The following RP1 variants were observed in gnomAD, a reference collection of about 807,000 sequenced individuals.
RP1 encodes oxygen-regulated protein 1.
RP1 carries 16 observed loss-of-function variants against 14.8 expected under a neutral mutation model. That is an observed-to-expected ratio of 1.08 (90% CI 0.73 to 1.65). RP1 has a LOEUF of 1.65. Ranked by LOEUF, RP1 falls within the 40% of genes most tolerant of loss-of-function variation. RP1 has a pLI of 0.00. For synonymous variants in RP1, 876 were observed against 883.6 expected, an observed-to-expected ratio of 0.99 and a Z score of 0.15; for missense variants, 2,631 against 2,535.0, an observed-to-expected ratio of 1.04 and a Z score of -0.81.
At chr8:54,840,121 AATAATTCATTCTAGTT>A (rs1811756809) in intron 25 of RP1, among the ~76,000 whole-genome samples, 1 of 152,164 alleles carries the variant, frequency 6.6e-6, no homozygotes, top group Non-Finnish European at 1.5e-5. Flanking sequence ...CTAACATGTC[AATAATTCATTCTAGTT>A]TTGAAAAATG....
At chr8:54,849,610 T>A (rs572180560) in intron 25 of RP1, among the ~76,000 whole-genome samples, 1 of 152,346 alleles carries the variant, frequency 6.6e-6, no homozygotes, top group Non-Finnish European at 1.5e-5. Flanking sequence ...TGATAAATCA[T>A]CATTAACAAA....
At chr8:54,614,928 A>T (rs73679494), upstream of RP1, among the ~76,000 whole-genome samples, 11,030 of 152,202 alleles carry the variant, frequency 0.072, 1,259 homozygotes, top group African/African-American at 0.24. Context: ...GATAAAGTCA[A>T]GAGAAATGCT....
intron 16 of RP1, among the ~76,000 whole-genome samples, chr8:54,722,362 C>A (rs1335600493): frequency 6.6e-6 from 1 of 151,726 alleles, no homozygotes; most frequent in African/African-American, 2.4e-5. Flanking sequence ...GCTCCACCTC[C>A]CGGGTTCACG....
intron 24 of RP1, among the ~76,000 whole-genome samples, chr8:54,800,816 A>G (rs1810688006): frequency 6.6e-6 from 1 of 152,184 alleles, no homozygotes; most frequent in Non-Finnish European, 1.5e-5. Flanking sequence ...AATTTCTTGT[A>G]TGATAGTTTT....
At chr8:54,843,475 A>G (rs1482112577) in intron 25 of RP1, among the ~76,000 whole-genome samples, 3 of 152,202 alleles carry the variant, frequency 2.0e-5, no homozygotes, top group Admixed American at 6.5e-5. Context: ...ATGGTCTTGG[A>G]TCCCAAACCT....
intron 1 of RP1, among the ~76,000 whole-genome samples, chr8:54,589,012 CT>C (rs1308545853): frequency 6.6e-6 from 1 of 152,154 alleles, no homozygotes; most frequent in Non-Finnish European, 1.5e-5. Context: ...TTTAGATTCA[CT>C]TCCAGGTGTG....
At chr8:54,774,766 T>G (rs550553132), downstream of RP1, among the ~76,000 whole-genome samples, 1 of 152,194 alleles carries the variant, frequency 6.6e-6, no homozygotes, top group African/African-American at 2.4e-5. Flanking sequence ...AGTAATAAAA[T>G]ACACTCAGCA....
chr8:54,776,867 G>A (rs1436309074), intron 23 of RP1, among the ~76,000 whole-genome samples: 1 of 152,224 alleles, frequency 6.6e-6, no homozygotes, highest in Non-Finnish European at 1.5e-5. Context: ...TAAATAGGCA[G>A]GGGATGCATG....
intron 25 of RP1, among the ~76,000 whole-genome samples, chr8:54,849,352 A>T (rs74566317): frequency 6.6e-6 from 1 of 152,188 alleles, no homozygotes; most frequent in Non-Finnish European, 1.5e-5. Context: ...GAAAAAAAAA[A>T]TTAAGTCATT....
At position 54,626,170 on chromosome 8, in the gene RP1, A is replaced by G. The variant is rs1184391962; in HGVS notation, c.2288A>G (p.Asn763Ser). 6.2e-7 allele frequency: 1 copy of G among 1,611,790 alleles called. No homozygotes were observed. The highest frequency in any genetic ancestry group is 1.7e-5 in the Admixed American group (1 of 59,890). Residue 763 changes from asparagine to serine, a missense_variant, in exon 4 of 4, where the codon AAT (asparagine) becomes AGT (serine). Coordinates refer to ENST00000220676, the MANE Select transcript of RP1 (RefSeq NM_006269.2). ...AAGAATTTCCATAGAAATAAATTAA[A>G]TACTACTCAAAATTCCAAGGTTCAA... ...ISKNFHRNKL[N>S]TTQNSKVQGL...
intron 18 of RP1, among the ~76,000 whole-genome samples, chr8:54,737,221 G>C (rs543255129): frequency 6.6e-6 from 1 of 152,152 alleles, no homozygotes; most frequent in East Asian, 1.9e-4. Context: ...ACACTTAAAA[G>C]AGCCTTACCC....
intron 1 of RP1, among the ~76,000 whole-genome samples, chr8:54,606,943 G>A (rs981936684): frequency 3.7e-5 from 5 of 133,376 alleles, no homozygotes; most frequent in East Asian, 1.9e-4. Flanking sequence ...TTATCCATTC[G>A]TCTAATTTTT....
At chr8:54,638,132 A>G (rs540766335) in intron 3 of RP1, among the ~76,000 whole-genome samples, 1 of 152,122 alleles carries the variant, frequency 6.6e-6, no homozygotes, top group Non-Finnish European at 1.5e-5. Context: ...AGGTGGAGAA[A>G]ATTCTCTTAT....
intron 12 of RP1, among the ~76,000 whole-genome samples, chr8:54,693,259 C>T (rs967641077): frequency 5.3e-5 from 8 of 152,176 alleles, no homozygotes; most frequent in African/African-American, 1.7e-4. Context: ...TGTGATGCCT[C>T]CAGCTTTGTT....
At chr8:54,568,064 C>G (rs761916330) in intron 1 of RP1, among the ~76,000 whole-genome samples, 6 of 152,188 alleles carry the variant, frequency 3.9e-5, no homozygotes, top group Admixed American at 3.3e-4. Flanking sequence ...GATTGGCTAC[C>G]ATTCCCATGG....
In RP1 at chr8:54,852,592, G is replaced by A. The variant is rs578103758; in HGVS notation, c.3854G>A (p.Arg1285His). The A allele has an allele frequency of 9.9e-4, 1,224 of 1,231,646 alleles. 1 individual carries two copies. The highest frequency in any genetic ancestry group is 1.2e-3 in the Non-Finnish European group (1,140 of 987,620). The allele number at this position is 1,231,646 out of a possible 1,614,324, so 76.3% of individuals were successfully genotyped here. A position where few individuals can be genotyped will look rare whatever the true frequency, so the allele number is the denominator to read the frequency against. ...ATTTCAGTGGTGCTTTATGAGATTCGCATATACACAGGCACAATGACAGGT... is the reference window on the plus strand; with the variant it reads ...ATTTCAGTGGTGCTTTATGAGATTCACATATACACAGGCACAATGACAGGT... Residue 1285 changes from arginine to histidine, a missense_variant, in exon 26 of 29, where the codon CGC becomes CAC. By Grantham distance (29) the Arg-to-His change is conservative (BLOSUM62 0). Transcript: ENST00000637698.
chr8:54,625,355 TG>T lies in RP1; in HGVS notation c.1477del (p.Glu493LysfsTer39). ...TTTCATATAGTGAAGAAAGGGAAAG[TG>T]GGGAAAACAAGTCTGAGTATCACAT... ...QFSYSEERES[G>X]ENKSEYHMFT... On this transcript the variant is annotated frameshift_variant, in exon 4 of 4. Transcript: ENST00000220676. LOFTEE classifies it low-confidence loss of function (END_TRUNC). 2 of 1,614,042 alleles carry T rather than the reference TG, an allele frequency of 1.2e-6. No individual in the cohort carries two copies. The highest frequency in any genetic ancestry group is 4.5e-5 in the East Asian group (2 of 44,868).
intron 25 of RP1, among the ~76,000 whole-genome samples, chr8:54,847,142 A>G (rs1055199911): frequency 3.9e-5 from 6 of 152,098 alleles, no homozygotes; most frequent in Admixed American, 3.9e-4. Context: ...GGAGGGAAGG[A>G]GACAGAGGGG....
intron 4 of RP1, among the ~76,000 whole-genome samples, chr8:54,649,312 A>C (rs188064455): frequency 2.0e-5 from 3 of 152,292 alleles, no homozygotes; most frequent in African/African-American, 4.8e-5. Context: ...ACACAAGTAA[A>C]TCTGCAATAT....
Sources: allele counts gnomAD v4.1 joint callset (sites outside exome capture counted in the v4.1 genomes callset), GRCh38; gene constraint gnomAD v4.1.1; transcripts MANE v1.5; gene names NCBI Gene and HGNC (gene_info 2026-07-23, HGNC 2026-07-21).